Variants in NOA1 observed in about 807,000 individuals in gnomAD.
NOA1 encodes the protein nitric oxide associated 1, also known as nitric oxide-associated protein 1.
Under a neutral mutation model 58.4 loss-of-function variants are expected in NOA1, and 35 were observed. That is an observed-to-expected ratio of 0.60 (90% CI 0.46 to 0.79). NOA1 has a LOEUF of 0.79. Ranked by LOEUF, NOA1 falls within the 30% of genes least tolerant of loss-of-function variation. The probability of loss-of-function intolerance (pLI) is 0.00; values close to 1 mark genes in which losing one functional copy is unlikely to be tolerated. For missense variants in NOA1, 895 were observed against 894.6 expected, an observed-to-expected ratio of 1.00 and a Z score of -0.01; for synonymous variants, 397 against 373.4, an observed-to-expected ratio of 1.06 and a Z score of -0.73.
rs965096477 is a variant in NOA1, at chr4:56,976,302, C to T, written c.1144+140G>A. On this transcript the variant is annotated intron_variant, in intron 1 of 6. Coordinates refer to ENST00000264230, the MANE Select transcript of NOA1 (RefSeq NM_032313.4). The stretch of plus-strand genomic sequence containing the variant: ...AGCTGACACAGAAGAGAGGTGTGAC[C>T]AGAGTGGGGAGAGAATTTGTAAAGG... 4.3e-6 allele frequency: 3 copies of T among 690,962 alleles called. No homozygotes were observed. The African/African-American group carries it at 5.4e-5, about 12-fold the overall frequency. The allele number at this position is 690,962 out of a possible 1,614,324, so 42.8% of individuals were successfully genotyped here. A position where few individuals can be genotyped will look rare whatever the true frequency, so the allele number is the denominator to read the frequency against.
In NOA1 at chr4:56,976,652, C is replaced by T. The variant is rs1348733548; in HGVS notation, c.934G>A (p.Asp312Asn). The change falls in exon 1 of 7, where the codon GAC becomes AAC. Residue 312 changes from aspartate to asparagine, a missense_variant. Transcript: ENST00000264230. ...GTCTTGGCGCTGATCAGCCGCACGT[C>T]CCTGACCACTGTGCGGGACCAGTTC... Reference protein sequence around the residue: ...PPNWSRTVVRDVRLISAKTGY... With the variant: ...PPNWSRTVVRNVRLISAKTGY... 1.2e-6 allele frequency: 2 copies of T among 1,614,060 alleles called. No individual in the cohort carries two copies. Among genetic ancestry groups the T allele is most frequent in the Admixed American group, 3.3e-5 (2 of 60,012 alleles).
chr4:56,964,877 C>G (rs975586169), intron 5 of NOA1, among the ~76,000 whole-genome samples: 7 of 152,136 alleles, frequency 4.6e-5, no homozygotes, highest in Non-Finnish European at 1.0e-4. Flanking sequence ...TTCTAAGTAC[C>G]TTAGTTCTTA....
chr4:56,977,460 G>C lies in NOA1; in HGVS notation c.126C>G (p.Phe42Leu), dbSNP rs773331580. 2.5e-6 allele frequency: 4 copies of C among 1,614,012 alleles called. No individual in the cohort carries two copies. The Admixed American group carries it at 6.7e-5, about 27-fold the overall frequency. ...LERRCAAASS[F>L]QHSSSLGREL... ...CGCGTCCCAGACTCGATGAGTGCTG[G>C]AAGGAGGAGGCGGCAGCGCACCTCC... The change falls in exon 1 of 7, where the codon TTC becomes TTG. Residue 42 changes from phenylalanine (F) to leucine (L), a missense_variant. This residue lies in a region of NOA1 where 680 missense variants were observed against 656.5 expected (regional missense o/e 1.04). Transcript: ENST00000264230.
intron 4 of NOA1, among the ~76,000 whole-genome samples, chr4:56,967,258 T>C (rs574744810): frequency 2.6e-5 from 4 of 151,972 alleles, no homozygotes; most frequent in Admixed American, 2.0e-4. Context: ...TGTGTGCCTG[T>C]AGTCCCGACT....
At chr4:56,974,368 C>T (rs187710100) in intron 1 of NOA1, among the ~76,000 whole-genome samples, 95 of 152,272 alleles carry the variant, frequency 6.2e-4, no homozygotes, top group Non-Finnish European at 1.0e-3. Context: ...AAATTTAAGC[C>T]TGGCTGAGCG....
rs891821095 is a variant in NOA1, at chr4:56,977,094, G to C, written c.492C>G (p.Phe164Leu). Residue 164 changes from phenylalanine to leucine, a missense_variant, in exon 1 of 7, where the codon TTC becomes TTG. Around this residue, in one of 3 missense-constraint regions of NOA1, gnomAD observed 680 missense variants for 656.5 expected, o/e 1.04. Transcript: ENST00000264230. ...CGCCGTCTGCCTCCGCCGTGCGGAG[G>C]AACTTCTCTCGGGGCAGGTAGCCGG... ...GVPGYLPREK[F>L]LRTAEADGGL... 1.3e-5 allele frequency: 21 copies of C among 1,568,550 alleles called. No homozygotes were observed. The highest frequency in any genetic ancestry group is 1.6e-5 in the Non-Finnish European group (19 of 1,160,858).
At position 56,963,573 on chromosome 4, in the gene NOA1, A is replaced by G; in HGVS notation, c.1974T>C (p.Pro658=). 6.2e-7 allele frequency: 1 copy of G among 1,613,984 alleles called. No individual in the cohort carries two copies. The highest frequency in any genetic ancestry group is 8.5e-7 in the Non-Finnish European group (1 of 1,179,978). Reference sequence around the variant, plus strand: ...TGATGTTAACAATATATGGCAAGAGAGGGGGCCGGACGGTCAAAACTGTTC... The same window carrying G: ...TGATGTTAACAATATATGGCAAGAGGGGGGGCCGGACGGTCAAAACTGTTC... ...PEGTVLTVRP[P]LLPYIVNIKG... The change falls in exon 7 of 7, where the codon CCT becomes CCC. Residue 658 remains proline, a synonymous_variant. Coordinates refer to ENST00000264230, the MANE Select transcript of NOA1 (RefSeq NM_032313.4).
chr4:56,966,488 GA>G, intron 5 of NOA1, 131 bp downstream of exon 5: 1 of 604,104 alleles, frequency 1.7e-6, no homozygotes, highest in Admixed American at 3.2e-5. Flanking sequence ...TTCTCAAAGA[GA>G]ATGAGGTGAG....
Position 56,968,379 on chromosome 4 carries a change from C to T in NOA1, c.1647+5G>A. The T allele has an allele frequency of 6.2e-7, 1 of 1,607,470 alleles. No homozygotes were observed. The highest frequency in any genetic ancestry group is 1.1e-5 in the South Asian group (1 of 88,682). On this transcript the variant is annotated splice_donor_5th_base_variant and intron_variant, in intron 4 of 6. Transcript: ENST00000264230. Reference sequence around the variant, plus strand: ...TCATTTTTTAATAGTACAGACTTTTCTTACCTGCAGGAAATCTATGCGGCC... The same window carrying T: ...TCATTTTTTAATAGTACAGACTTTTTTTACCTGCAGGAAATCTATGCGGCC...
At position 56,973,213 on chromosome 4, in the gene NOA1, T is replaced by A; in HGVS notation, c.1450A>T (p.Thr484Ser). 3 of 1,614,178 alleles carry A rather than the reference T, an allele frequency of 1.9e-6. No individual in the cohort carries two copies. The highest frequency in any genetic ancestry group is 1.7e-6 in the Non-Finnish European group (2 of 1,180,036). ...TGGGCATCTTTCACATCTTGTGCAGTCAATTCTACTTGTTTGGTGGATTTG... is the reference window on the plus strand; with the variant it reads ...TGGGCATCTTTCACATCTTGTGCAGACAATTCTACTTGTTTGGTGGATTTG... Reference protein sequence around the residue: ...THKSTKQVELTAQDVKDAHWF... With the variant: ...THKSTKQVELSAQDVKDAHWF... The change falls in exon 3 of 7, where the codon ACT becomes TCT. Residue 484 changes from threonine to serine, a missense_variant. Thr to Ser is a moderately conservative substitution (Grantham distance 58). Coordinates refer to ENST00000264230, the MANE Select transcript of NOA1 (RefSeq NM_032313.4).
rs1428056631 is a variant in NOA1, at chr4:56,964,290, C to T, written c.1885+116G>A. 9 of 1,232,722 alleles carry T rather than the reference C, an allele frequency of 7.3e-6. No individual in the cohort carries two copies. In the African/African-American group the frequency reaches 1.4e-4, roughly 19 times the overall value. The allele number at this position is 1,232,722 out of a possible 1,614,324, so 76.4% of individuals were successfully genotyped here. On this transcript the variant is annotated intron_variant, in intron 6 of 6. Transcript: ENST00000264230. ...CCATGTTGGTCAGGTTGGTCTCAAACTCCCGACCTCAGGTGATCCGCCCAC... is the reference window on the plus strand; with the variant it reads ...CCATGTTGGTCAGGTTGGTCTCAAATTCCCGACCTCAGGTGATCCGCCCAC...
Position 56,976,957 on chromosome 4 carries a change from CGCAACGCG to C in NOA1, c.621_628del (p.Leu209AlafsTer145), listed in dbSNP as rs1465163284. On this transcript the variant is annotated frameshift_variant, in exon 1 of 7. Transcript: ENST00000264230. LOFTEE classifies it high-confidence loss of function. Reference sequence around the variant, plus strand: ...GAGCACCAGGGAGGGGCCGGGCCGCCGCAACGCGGCGCTCACCAGCTCCAGGTACTGCT... The same window carrying C: ...GAGCACCAGGGAGGGGCCGGGCCGCCGCGCTCACCAGCTCCAGGTACTGCT... 6.2e-7 allele frequency: 1 copy of C among 1,601,152 alleles called. No homozygotes were observed. Among genetic ancestry groups the C allele is most frequent in the African/African-American group, 1.3e-5 (1 of 74,780 alleles).
Position 56,977,032 on chromosome 4 carries a change from A to G in NOA1, c.554T>C (p.Leu185Pro). ...ARTVCQRCWL[L>P]SHHRRALRLQ... ...GCGTAGAGCGCGCCGGTGGTGCGAC[A>G]GCAGCCAGCAGCGCTGGCACACGGT... The change falls in exon 1 of 7, where the codon CTG (leucine) becomes CCG (proline). Residue 185 changes from leucine (L) to proline (P), a missense_variant. Leu to Pro is a moderately conservative substitution (Grantham distance 98). Transcript: ENST00000264230. 6.3e-7 allele frequency: 1 copy of G among 1,585,760 alleles called. No homozygotes were observed. The highest frequency in any genetic ancestry group is 8.5e-7 in the Non-Finnish European group (1 of 1,171,160).
At chr4:56,975,490 G>A (rs371132942) in intron 1 of NOA1, among the ~76,000 whole-genome samples, 47 of 152,036 alleles carry the variant, frequency 3.1e-4, no homozygotes, top group African/African-American at 1.1e-3. Flanking sequence ...AATTAGCTGG[G>A]CATGGTGGTG....
chr4:56,968,453 TG>T lies in NOA1; in HGVS notation c.1577del (p.Pro526GlnfsTer17), dbSNP rs1410145252. ...TTCCTGGTTTAAGCACAAAAGTTCT[TG>T]GAACAATGGACTGTGTTGGCAAAAC... ...NIVLPTQSIV[P>X]RTFVLKPGMV... On this transcript the variant is annotated frameshift_variant, in exon 4 of 7. Transcript: ENST00000264230. LOFTEE classifies it high-confidence loss of function. The T allele has an allele frequency of 1.9e-6, 3 of 1,612,722 alleles. No homozygotes were observed. Among genetic ancestry groups the T allele is most frequent in the African/African-American group, 2.7e-5 (2 of 74,894 alleles).
intron 5 of NOA1, among the ~76,000 whole-genome samples, chr4:56,965,693 GGT>G (rs10548713): frequency 0.29 from 43,073 of 148,760 alleles, 6,572 homozygotes; most frequent in Middle Eastern, 0.48. Context: ...TCCAAAGTAT[GGT>G]GTGTGTGTGT....
chr4:56,972,501 AT>A (rs1282791490), intron 3 of NOA1, among the ~76,000 whole-genome samples: 4 of 152,208 alleles, frequency 2.6e-5, no homozygotes, highest in Non-Finnish European at 4.4e-5. Context: ...TTGGGGAACA[AT>A]GGATACATGT....
At chr4:56,971,441 G>A (rs939428588) in intron 3 of NOA1, among the ~76,000 whole-genome samples, 2 of 151,918 alleles carry the variant, frequency 1.3e-5, no homozygotes, top group African/African-American at 4.8e-5. Flanking sequence ...AAGATGGCAT[G>A]AGCAATTATT....
chr4:56,968,186 G>A (rs1721751179), intron 4 of NOA1, among the ~76,000 whole-genome samples, 198 bp downstream of exon 4: 1 of 152,046 alleles, frequency 6.6e-6, no homozygotes, highest in Admixed American at 6.6e-5. Flanking sequence ...CCACAGTGCT[G>A]GAATTACAGG....
Sources: allele counts gnomAD v4.1 joint callset (sites outside exome capture counted in the v4.1 genomes callset), GRCh38; gene constraint gnomAD v4.1.1; regional missense constraint gnomAD v4.1.1; transcripts MANE v1.5; gene names NCBI Gene and HGNC (gene_info 2026-07-23, HGNC 2026-07-21).